EEFSEC: variants seen among roughly 807,000 people sequenced by gnomAD.
EEFSEC encodes selenocysteine-specific elongation factor.
A neutral mutation model predicts 42.1 loss-of-function variants in EEFSEC; 43 were observed. The observed-to-expected ratio is 1.02, with a 90% CI of 0.80 to 1.32. EEFSEC has a LOEUF of 1.32. Among genes scored for constraint, EEFSEC ranks in the 40% most tolerant of loss-of-function variants. The pLI is 0.00. For synonymous variants in EEFSEC, 354 were observed against 339.1 expected (o/e 1.04, Z -0.48); for missense variants, 745 against 803.6 (o/e 0.93, Z 0.88).
At chr3:128,416,503 C>T in the EEFSEC span, among the ~76,000 whole-genome samples, 1 of 152,162 alleles carries the variant, frequency 6.6e-6, no homozygotes, top group Non-Finnish European at 1.5e-5. Context: ...GCCCATCTCC[C>T]GCCCCTTCTT....
intron 4 of EEFSEC, among the ~76,000 whole-genome samples, chr3:128,278,463 G>C (rs529137635): frequency 1.1e-4 from 17 of 152,294 alleles, no homozygotes; most frequent in Admixed American, 3.3e-4. Context: ...AGAGCCAGGA[G>C]TATGGCTTGG....
At chr3:128,170,372 G>C (rs1273673996) in intron 1 of EEFSEC, among the ~76,000 whole-genome samples, 1 of 152,076 alleles carries the variant, frequency 6.6e-6, no homozygotes, top group Non-Finnish European at 1.5e-5. Context: ...GACCAGCCTA[G>C]CCAACATGAC....
chr3:128,227,318 C>G lies in EEFSEC; in HGVS notation c.317-19518C>G, dbSNP rs577151484. ...TGACAGATTCCTCCCCCTACCCCCCCACTCCGTTCTTTTTTTGGTCTCCTG... is the reference window on the plus strand; with the variant it reads ...TGACAGATTCCTCCCCCTACCCCCCGACTCCGTTCTTTTTTTGGTCTCCTG... On this transcript the variant is annotated intron_variant, in intron 1 of 6. Coordinates refer to ENST00000254730, the MANE Select transcript of EEFSEC (RefSeq NM_021937.5). 1.5e-3 allele frequency among the ~76,000 whole-genome samples: 230 copies of G among 152,264 alleles called. 1 individual carries two copies. The highest frequency in any genetic ancestry group is 2.9e-3 in the Non-Finnish European group (195 of 68,026).
the EEFSEC span, among the ~76,000 whole-genome samples, chr3:128,415,853 T>G: frequency 6.6e-6 from 1 of 152,166 alleles, no homozygotes; most frequent in South Asian, 2.1e-4. Flanking sequence ...TTCCTGGAGT[T>G]CCTCACAGAG....
At chr3:128,329,967 C>T (rs535409622) in intron 4 of EEFSEC, among the ~76,000 whole-genome samples, 5 of 152,302 alleles carry the variant, frequency 3.3e-5, no homozygotes, top group East Asian at 1.9e-4. Context: ...TGCTCCATGG[C>T]GGTGATGGCT....
intron 4 of EEFSEC, among the ~76,000 whole-genome samples, chr3:128,312,000 C>T (rs756965629): frequency 6.6e-6 from 1 of 152,098 alleles, no homozygotes; most frequent in Non-Finnish European, 1.5e-5. Flanking sequence ...CACCTAGTAC[C>T]GTGCCTGGCC....
chr3:128,276,760 G>T (rs148455961), intron 4 of EEFSEC, among the ~76,000 whole-genome samples: 1 of 152,224 alleles, frequency 6.6e-6, no homozygotes, highest in East Asian at 1.9e-4. Flanking sequence ...ACAGTGAGGC[G>T]ATTGAGAATG....
intron 4 of EEFSEC, among the ~76,000 whole-genome samples, chr3:128,319,910 GC>G (rs2066988744): frequency 6.6e-6 from 1 of 152,234 alleles, no homozygotes; most frequent in Admixed American, 6.5e-5. Context: ...GCTCAGTTCT[GC>G]CGCTGGCCCC....
At chr3:128,269,491 CATGGCCCTCTTTCCAA>C (rs2066392131) in intron 4 of EEFSEC, among the ~76,000 whole-genome samples, 1 of 152,268 alleles carries the variant, frequency 6.6e-6, no homozygotes, top group Non-Finnish European at 1.5e-5. Flanking sequence ...CATGGGGGGC[CATGGCCCTCTTTCCAA>C]ACACAGTGAC....
intron 1 of EEFSEC, among the ~76,000 whole-genome samples, chr3:128,171,556 T>C (rs557889856): frequency 2.0e-5 from 3 of 152,332 alleles, no homozygotes; most frequent in East Asian, 1.9e-4. Context: ...CATTTGAAGA[T>C]GTGGGCTTCA....
At chr3:128,383,762 C>T (rs2067804448) in intron 6 of EEFSEC, among the ~76,000 whole-genome samples, 1 of 152,222 alleles carries the variant, frequency 6.6e-6, no homozygotes, top group Non-Finnish European at 1.5e-5. Flanking sequence ...GGGGCTCAGA[C>T]TCAGATACAG....
chr3:128,347,424 T>A (rs936413219), intron 5 of EEFSEC, among the ~76,000 whole-genome samples: 3 of 152,152 alleles, frequency 2.0e-5, no homozygotes, highest in Non-Finnish European at 4.4e-5. Flanking sequence ...GGGAAATAGT[T>A]GGTATCCTGT....
chr3:128,247,117 A>T, intron 2 of EEFSEC, 74 bp downstream of exon 2: 1 of 1,499,028 alleles, frequency 6.7e-7, no homozygotes, highest in East Asian at 2.3e-5. Flanking sequence ...TTTCACAAAC[A>T]TGAATTGGAC....
At chr3:128,363,640 C>T (rs1006441248) in intron 6 of EEFSEC, among the ~76,000 whole-genome samples, 3 of 152,226 alleles carry the variant, frequency 2.0e-5, no homozygotes, top group Admixed American at 2.0e-4. Flanking sequence ...GCACCCAATG[C>T]TGCCCCTGTG....
At chr3:128,255,087 GA>G (rs1256612216) in intron 2 of EEFSEC, among the ~76,000 whole-genome samples, 1 of 152,226 alleles carries the variant, frequency 6.6e-6, no homozygotes, top group African/African-American at 2.4e-5. Flanking sequence ...CCTGATGGCA[GA>G]TGGCAGGGTA....
intron 6 of EEFSEC, among the ~76,000 whole-genome samples, chr3:128,404,253 G>T (rs1215284923): frequency 6.6e-6 from 1 of 152,242 alleles, no homozygotes; most frequent in Non-Finnish European, 1.5e-5. Context: ...AGGCTTTCCA[G>T]GTGTGGCTTC....
At chr3:128,375,624 G>C (rs1471585124) in intron 6 of EEFSEC, among the ~76,000 whole-genome samples, 1 of 152,150 alleles carries the variant, frequency 6.6e-6, no homozygotes. Flanking sequence ...CCTCAGCTCA[G>C]ATGCCACCTC....
chr3:128,368,839 C>A (rs940750690), intron 6 of EEFSEC, among the ~76,000 whole-genome samples: 1 of 152,244 alleles, frequency 6.6e-6, no homozygotes, highest in South Asian at 2.1e-4. Flanking sequence ...GAGCCTGACA[C>A]GTGCCGGAGT....
chr3:128,263,815 C>CAT (rs1478427882), intron 3 of EEFSEC, among the ~76,000 whole-genome samples: 2 of 152,220 alleles, frequency 1.3e-5, no homozygotes, highest in African/African-American at 4.8e-5. Context: ...ACACAGGTGG[C>CAT]ATGAGGAGAA....
Sources: gnomAD v4.1 joint callset for allele counts (sites outside exome capture counted in the v4.1 genomes callset) on GRCh38, gnomAD v4.1.1 for gene constraint, MANE v1.5 for transcripts, NCBI Gene and HGNC (gene_info 2026-07-23, HGNC 2026-07-21) for gene names.